Variants in ADCY8 observed in about 807,000 individuals in gnomAD.
ADCY8 encodes adenylate cyclase 8, also known as adenylate cyclase type 8.
Under a neutral mutation model 119.7 loss-of-function variants are expected in ADCY8, and 51 were observed. The observed-to-expected ratio is 0.43, with a 90% CI of 0.34 to 0.54. The LOEUF is 0.54. Ranked by LOEUF, ADCY8 falls within the 20% of genes least tolerant of loss-of-function variation. The pLI, the probability that ADCY8 is intolerant of heterozygous loss-of-function variation, is 0.03. For missense variants in ADCY8, 1,383 were observed against 1,598.8 expected (o/e 0.87, Z 2.30); for synonymous variants, 665 against 651.0 (o/e 1.02, Z -0.33).
intron 2 of ADCY8, among the ~76,000 whole-genome samples, chr8:130,982,569 A>T (rs1487309886): frequency 6.6e-6 from 1 of 152,250 alleles, no homozygotes; most frequent in Non-Finnish European, 1.5e-5. Flanking sequence ...GGAAACTCAC[A>T]TACAAAATGG....
At chr8:130,877,856 A>G (rs1194369206) in intron 8 of ADCY8, among the ~76,000 whole-genome samples, 1 of 152,120 alleles carries the variant, frequency 6.6e-6, no homozygotes, top group Non-Finnish European at 1.5e-5. Context: ...ACCTCTTCCA[A>G]TGAGCTACAA....
intron 15 of ADCY8, among the ~76,000 whole-genome samples, chr8:130,799,193 G>C (rs1815686568): frequency 6.6e-6 from 1 of 152,144 alleles, no homozygotes; most frequent in South Asian, 2.1e-4. Flanking sequence ...GACAAGAGGA[G>C]TACTTTCTGG....
intron 12 of ADCY8, among the ~76,000 whole-genome samples, chr8:130,835,313 C>A (rs1816952492): frequency 6.6e-6 from 1 of 152,152 alleles, no homozygotes. Flanking sequence ...AGGGAAGGAG[C>A]CAGCAGACAT....
intron 13 of ADCY8, among the ~76,000 whole-genome samples, chr8:130,820,334 A>G (rs1246674121): frequency 4.6e-5 from 7 of 151,928 alleles, no homozygotes; most frequent in Non-Finnish European, 8.8e-5. Flanking sequence ...ATGTGCTTCT[A>G]TTTCTGGTCT....
chr8:130,945,897 T>C (rs1425566844), intron 3 of ADCY8, among the ~76,000 whole-genome samples: 17 of 152,236 alleles, frequency 1.1e-4, no homozygotes, highest in Non-Finnish European at 1.3e-4. Flanking sequence ...CCTATCATGT[T>C]CTTCTCCATT....
chr8:130,867,326 T>C (rs1818162008), intron 9 of ADCY8, among the ~76,000 whole-genome samples: 1 of 152,222 alleles, frequency 6.6e-6, no homozygotes, highest in Admixed American at 6.5e-5. Context: ...TTAACTATTA[T>C]GAGCCTCAGT....
intron 8 of ADCY8, among the ~76,000 whole-genome samples, chr8:130,878,438 C>A (rs1479091421): frequency 6.6e-6 from 1 of 152,156 alleles, no homozygotes; most frequent in Non-Finnish European, 1.5e-5. Context: ...GGAGACATCT[C>A]CTCTAGACTT....
intron 2 of ADCY8, among the ~76,000 whole-genome samples, chr8:130,952,527 G>A (rs1197604967): frequency 6.6e-6 from 1 of 151,886 alleles, no homozygotes; most frequent in Non-Finnish European, 1.5e-5. Context: ...GTGGCTGGAG[G>A]GTGGTGATAG....
At chr8:130,995,905 C>T (rs1822759142) in intron 1 of ADCY8, among the ~76,000 whole-genome samples, 1 of 152,106 alleles carries the variant, frequency 6.6e-6, no homozygotes, top group Non-Finnish European at 1.5e-5. Context: ...TTGTTTTAGC[C>T]ATTAATGGAC....
intron 16 of ADCY8, 114 bp from the exon 17 acceptor site, chr8:130,783,919 G>T: frequency 1.4e-6 from 1 of 708,832 alleles, no homozygotes; most frequent in Non-Finnish European, 2.3e-6. Context: ...ATCCCTTTAA[G>T]GAAATAATCA....
chr8:130,849,796 G>A lies in ADCY8; in HGVS notation c.2218C>T (p.Pro740Ser). ...QSLLPSSRVM[P>S]MTIQFSILIM... ...AGAATGGAGAACTGGATGGTCATTG[G>A]CATCACTCTGCAGGGAAACACAGAA... The change falls in exon 10 of 18, where the codon CCA becomes TCA. Residue 740 changes from proline to serine, a missense_variant. Around this residue, in one of 2 missense-constraint regions of ADCY8, gnomAD observed 928 missense variants for 1,163.5 expected, o/e 0.80. Coordinates refer to ENST00000286355, the MANE Select transcript of ADCY8 (RefSeq NM_001115.3). 6.2e-7 allele frequency: 1 copy of A among 1,611,734 alleles called. No individual in the cohort carries two copies. Among genetic ancestry groups the A allele is most frequent in the South Asian group, 1.1e-5 (1 of 90,684 alleles).
At chr8:130,816,434 T>TC (rs1816347061) in intron 13 of ADCY8, among the ~76,000 whole-genome samples, 1 of 146,510 alleles carries the variant, frequency 6.8e-6, no homozygotes, top group African/African-American at 2.5e-5. Flanking sequence ...TTTCTTTTTT[T>TC]TTTTTTTTTG....
At chr8:130,856,340 A>G (rs1365249699) in intron 9 of ADCY8, among the ~76,000 whole-genome samples, 1 of 151,942 alleles carries the variant, frequency 6.6e-6, no homozygotes. Flanking sequence ...ATCACTATCC[A>G]GCACAAACTG....
intron 1 of ADCY8, among the ~76,000 whole-genome samples, chr8:131,021,331 C>T (rs1823660684): frequency 6.6e-6 from 1 of 151,988 alleles, no homozygotes; most frequent in African/African-American, 2.4e-5. Context: ...CCTCATAGTC[C>T]AAGATGGCTG....
chr8:130,853,768 G>A (rs2130335015), intron 9 of ADCY8, among the ~76,000 whole-genome samples: 1 of 152,200 alleles, frequency 6.6e-6, no homozygotes, highest in Admixed American at 6.5e-5. Flanking sequence ...TGAAAGACAG[G>A]CCATGTGGTC....
At chr8:130,883,040 G>T (rs1435451) in intron 8 of ADCY8, among the ~76,000 whole-genome samples, 47,052 of 152,010 alleles carry the variant, frequency 0.31, 8,009 homozygotes, top group African/African-American at 0.45. Flanking sequence ...TCTTCTAGAA[G>T]AATCTTCCCT....
chr8:131,032,348 C>A (rs1431186587), intron 1 of ADCY8, among the ~76,000 whole-genome samples: 1 of 152,058 alleles, frequency 6.6e-6, no homozygotes, highest in East Asian at 1.9e-4. Context: ...GGATAGAAAA[C>A]CCCAGTAGCT....
chr8:131,040,260 C>G lies in ADCY8; in HGVS notation c.74G>C (p.Gly25Ala). The change falls in exon 1 of 18, where the codon GGC (glycine) becomes GCC (alanine). Residue 25 changes from glycine to alanine, a missense_variant. Around this residue, in one of 2 missense-constraint regions of ADCY8, gnomAD observed 455 missense variants for 435.3 expected, o/e 1.05. Transcript: ENST00000286355. ...CGGCCGGGAGGCGCTCCTGCCGTCGCCGGCCGGGGGCGTCGGGTGGATGGT... is the reference window on the plus strand; with the variant it reads ...CGGCCGGGAGGCGCTCCTGCCGTCGGCGGCCGGGGGCGTCGGGTGGATGGT... Reference protein sequence around the residue: ...LYTIHPTPPAGDGRSASRPQR... With the variant: ...LYTIHPTPPAADGRSASRPQR... 6.4e-7 allele frequency: 1 copy of G among 1,555,928 alleles called. No individual in the cohort carries two copies. Among genetic ancestry groups the G allele is most frequent in the Non-Finnish European group, 8.6e-7 (1 of 1,157,392 alleles).
intron 5 of ADCY8, among the ~76,000 whole-genome samples, chr8:130,917,698 G>A (rs1376485956): frequency 6.6e-6 from 1 of 151,960 alleles, no homozygotes; most frequent in Admixed American, 6.6e-5. Context: ...CTGAATTCTG[G>A]ATTTTTTAGG....
Sources: allele counts gnomAD v4.1 joint callset (sites outside exome capture counted in the v4.1 genomes callset), GRCh38; gene constraint gnomAD v4.1.1; regional missense constraint gnomAD v4.1.1; transcripts MANE v1.5; gene names NCBI Gene and HGNC (gene_info 2026-07-23, HGNC 2026-07-21).